Variants in NKAIN3 observed in about 807,000 individuals in gnomAD.
NKAIN3 encodes sodium/potassium transporting ATPase interacting 3.
Under a neutral mutation model 30.2 loss-of-function variants are expected in NKAIN3, and 25 were observed. That is an observed-to-expected ratio of 0.83 (90% CI 0.60 to 1.16). The LOEUF (loss-of-function observed/expected upper bound fraction) is 1.16. NKAIN3 is among the 50% of genes most tolerant of loss of function. The pLI, the probability that NKAIN3 is intolerant of heterozygous loss-of-function variation, is 0.00. For synonymous variants in NKAIN3, 91 were observed against 89.6 expected (o/e 1.02, Z -0.09); for missense variants, 225 against 254.1 (o/e 0.89, Z 0.78).
intron 4 of NKAIN3, among the ~76,000 whole-genome samples, chr8:62,758,428 G>T (rs1012145645): frequency 6.6e-6 from 1 of 152,014 alleles, no homozygotes; most frequent in South Asian, 2.1e-4. Flanking sequence ...TATGGGTGAA[G>T]GATATACAAA....
chr8:62,702,876 T>C (rs937568189), intron 3 of NKAIN3, among the ~76,000 whole-genome samples: 5 of 152,206 alleles, frequency 3.3e-5, no homozygotes, highest in African/African-American at 1.2e-4. Flanking sequence ...TCTGTAGAAA[T>C]ATTATGACCA....
Position 62,907,787 on chromosome 8 carries a change from C to T in NKAIN3, c.472-10666C>T, listed in dbSNP as rs150141042. 9.4e-4 allele frequency among the ~76,000 whole-genome samples: 143 copies of T among 152,328 alleles called. 1 individual carries two copies. The highest frequency in any genetic ancestry group is 3.3e-3 in the African/African-American group (137 of 41,578). On this transcript the variant is annotated intron_variant, in intron 4 of 6. Coordinates refer to ENST00000623646, the MANE Select transcript of NKAIN3 (RefSeq NM_001304533.3). ...AGATTTCAGAGGATGTATGGAAATA[C>T]CTGGATGTCCAGGCAGAGGTGTGCT...
intron 1 of NKAIN3, among the ~76,000 whole-genome samples, chr8:62,495,148 G>T (rs1807195929): frequency 6.6e-6 from 1 of 151,934 alleles, no homozygotes; most frequent in Non-Finnish European, 1.5e-5. Context: ...CACACTCTTT[G>T]CTTGCCATAC....
At chr8:62,416,013 C>T (rs1804433997) in intron 1 of NKAIN3, among the ~76,000 whole-genome samples, 2 of 152,116 alleles carry the variant, frequency 1.3e-5, no homozygotes, top group Non-Finnish European at 2.9e-5. Flanking sequence ...GCCTCAGCCT[C>T]CCAAAGTGCT....
chr8:62,654,895 C>T (rs1044851501), intron 3 of NKAIN3, among the ~76,000 whole-genome samples: 1 of 152,048 alleles, frequency 6.6e-6, no homozygotes, highest in African/African-American at 2.4e-5. Flanking sequence ...TGGGAATCCC[C>T]ATAGTTATGG....
At position 62,980,230 on chromosome 8, in the gene NKAIN3, G is replaced by A. The variant is rs550934395; in HGVS notation, c.*14823G>A. Reference sequence around the variant, plus strand: ...CTCTTCTAAAAATTTTGTTCCTAAGGAATTGATTTTGCAAATCAGTGCTAA... The same window carrying A: ...CTCTTCTAAAAATTTTGTTCCTAAGAAATTGATTTTGCAAATCAGTGCTAA... On this transcript the variant is annotated 3_prime_UTR_variant, in exon 7 of 7. Coordinates refer to ENST00000623646, the MANE Select transcript of NKAIN3 (RefSeq NM_001304533.3). 1 of 152,192 alleles carries A rather than the reference G, an allele frequency of 6.6e-6. No homozygotes were observed. The highest frequency in any genetic ancestry group is 6.5e-5 in the Admixed American group (1 of 15,286). The allele number at this position is 152,192 out of a possible 1,614,324, so 9.4% of individuals were successfully genotyped here. A position where few individuals can be genotyped will look rare whatever the true frequency, so the allele number is the denominator to read the frequency against.
intron 1 of NKAIN3, among the ~76,000 whole-genome samples, chr8:62,332,782 G>A (rs965949745): frequency 6.6e-5 from 10 of 152,094 alleles, no homozygotes; most frequent in Admixed American, 2.6e-4. Flanking sequence ...CAGCACTTCC[G>A]TCAAGAAGCC....
chr8:62,335,845 C>A (rs1815532561), intron 1 of NKAIN3, among the ~76,000 whole-genome samples: 1 of 151,978 alleles, frequency 6.6e-6, no homozygotes, highest in Admixed American at 6.6e-5. Flanking sequence ...TGATCCAATC[C>A]ATCAGAGAAA....
At chr8:62,393,068 G>A (rs546414013) in intron 1 of NKAIN3, among the ~76,000 whole-genome samples, 6 of 152,082 alleles carry the variant, frequency 3.9e-5, no homozygotes, top group Admixed American at 1.3e-4. Flanking sequence ...AGTGGAAAAC[G>A]TAAATGAAAC....
chr8:62,249,497 G>C (rs563154822), intron 1 of NKAIN3, among the ~76,000 whole-genome samples: 7 of 152,360 alleles, frequency 4.6e-5, no homozygotes, highest in African/African-American at 1.4e-4. Context: ...AGTTACACGG[G>C]GACTTGCGGG....
intron 3 of NKAIN3, among the ~76,000 whole-genome samples, chr8:62,627,686 C>A (rs1811833468): frequency 6.6e-6 from 1 of 152,038 alleles, no homozygotes; most frequent in African/African-American, 2.4e-5. Flanking sequence ...TAAAAATCTC[C>A]TTTTCTCTTG....
chr8:62,969,271 T>C lies in NKAIN3; in HGVS notation c.*3864T>C, dbSNP rs530419537. Among the ~76,000 whole-genome samples, 34 of 152,350 alleles carry C rather than the reference T, an allele frequency of 2.2e-4. No individual in the cohort carries two copies. The highest frequency in any genetic ancestry group is 3.4e-3 in the Middle Eastern group (1 of 294). ...CTAACAAAATATACCAAGGCTGTCA[T>C]CTGTCTCACTTAATGAATGGGAAAC... On this transcript the variant is annotated 3_prime_UTR_variant, in exon 7 of 7. Coordinates refer to ENST00000623646, the MANE Select transcript of NKAIN3 (RefSeq NM_001304533.3).
chr8:62,648,918 T>C (rs552645883), intron 3 of NKAIN3, among the ~76,000 whole-genome samples: 1 of 152,194 alleles, frequency 6.6e-6, no homozygotes, highest in South Asian at 2.1e-4. Flanking sequence ...TGTTGGGAGA[T>C]GGAGCAATGG....
chr8:62,292,070 T>C (rs2129587194), intron 1 of NKAIN3, among the ~76,000 whole-genome samples: 1 of 152,344 alleles, frequency 6.6e-6, no homozygotes, highest in East Asian at 1.9e-4. Flanking sequence ...CCTGCTTTTT[T>C]TTTGTTTTCC....
intron 1 of NKAIN3, among the ~76,000 whole-genome samples, chr8:62,252,028 A>G (rs1563906711): frequency 6.6e-6 from 1 of 152,224 alleles, no homozygotes; most frequent in Non-Finnish European, 1.5e-5. Context: ...ATTCCTAAAA[A>G]TCTAACAAAA....
chr8:62,958,782 G>A (rs924882546), intron 6 of NKAIN3, among the ~76,000 whole-genome samples: 15 of 152,140 alleles, frequency 9.9e-5, no homozygotes, highest in South Asian at 6.2e-4. Flanking sequence ...ACTGAGTACC[G>A]GGAAGATTAA....
intron 3 of NKAIN3, among the ~76,000 whole-genome samples, chr8:62,740,715 A>G (rs1815837997): frequency 6.6e-6 from 1 of 152,142 alleles, no homozygotes. Context: ...GTGCAGGCAT[A>G]TGCACATACA....
At chr8:62,899,617 G>A (rs924535085) in intron 4 of NKAIN3, among the ~76,000 whole-genome samples, 15 of 152,234 alleles carry the variant, frequency 9.9e-5, no homozygotes, top group African/African-American at 3.6e-4. Context: ...AGGAGCTGGG[G>A]ATGGTTAATA....
intron 4 of NKAIN3, among the ~76,000 whole-genome samples, chr8:62,903,536 C>T (rs1821674284): frequency 6.6e-6 from 1 of 152,062 alleles, no homozygotes; most frequent in Non-Finnish European, 1.5e-5. Context: ...AAAAGGCCCT[C>T]TCGGGAGCCA....
Sources: allele counts gnomAD v4.1 joint callset (sites outside exome capture counted in the v4.1 genomes callset), GRCh38; gene constraint gnomAD v4.1.1; transcripts MANE v1.5; gene names NCBI Gene and HGNC (gene_info 2026-07-23, HGNC 2026-07-21).